RESF1: variants seen among roughly 807,000 people sequenced by gnomAD.
RESF1 encodes retroelement silencing factor 1.
RESF1 carries 65 observed loss-of-function variants against 134.7 expected under a neutral mutation model. That is an observed-to-expected ratio of 0.48 (90% confidence interval 0.40 to 0.59). The LOEUF (loss-of-function observed/expected upper bound fraction) is 0.59, where lower values mean the gene tolerates loss of function less well. RESF1 is among the 20% of genes least tolerant of loss of function. RESF1 has a pLI of 0.00. For missense variants in RESF1, 2,274 were observed against 2,002.7 expected (o/e 1.14, Z -2.59); for synonymous variants, 762 against 702.2 (o/e 1.09, Z -1.35).
At chr12:31,961,796 A>C (rs1355485667) in intron 2 of RESF1, among the ~76,000 whole-genome samples, 1 of 152,210 alleles carries the variant, frequency 6.6e-6, no homozygotes, top group Non-Finnish European at 1.5e-5. Flanking sequence ...AGGCAGGACA[A>C]ACTTGCCCCA....
chr12:31,962,708 G>T (rs1195316948), intron 2 of RESF1, among the ~76,000 whole-genome samples: 1 of 152,212 alleles, frequency 6.6e-6, no homozygotes, highest in East Asian at 1.9e-4. Flanking sequence ...AAAAGAAATT[G>T]TATTGTCCAG....
In RESF1 at chr12:31,985,904, A is replaced by G. The variant is rs1939962429; in HGVS notation, c.4949A>G (p.Glu1650Gly). Residue 1650 changes from glutamate to glycine, a missense_variant, in exon 4 of 6, where the codon GAA becomes GGA. Physicochemically the swap from Glu to Gly is moderately conservative, Grantham distance 98. Transcript: ENST00000312561. Reference sequence around the variant, plus strand: ...TTACTAAAGAATACAAACTCTGTGGAAGAACGGAAGGATGTAAAGCCTCAT... The same window carrying G: ...TTACTAAAGAATACAAACTCTGTGGGAGAACGGAAGGATGTAAAGCCTCAT... ...DILLKNTNSVEERKDVKPHPR... is the reference protein window; with the variant it reads ...DILLKNTNSVGERKDVKPHPR... 1.3e-6 allele frequency: 2 copies of G among 1,517,674 alleles called. No individual in the cohort carries two copies. Among genetic ancestry groups the G allele is most frequent in the Non-Finnish European group, 8.8e-7 (1 of 1,141,036 alleles). 94.0% of individuals were successfully genotyped at this position (1,517,674 alleles called of 1,614,324 possible).
chr12:31,992,315 G>T, intron 5 of RESF1, 63 bp from the exon 6 acceptor site: 4 of 1,376,488 alleles, frequency 2.9e-6, no homozygotes, highest in Non-Finnish European at 2.0e-6. Flanking sequence ...TCTGAATTTT[G>T]ATTATATATT....
rs150359486 is a variant in RESF1, at chr12:31,985,148, A to C, written c.4193A>C (p.Lys1398Thr). The change falls in exon 4 of 6, where the codon AAA becomes ACA. Residue 1398 changes from lysine to threonine, a missense_variant. Coordinates refer to ENST00000312561, the MANE Select transcript of RESF1 (RefSeq NM_018169.4). ...KKKKHDKQEQ[K>T]GSVGATFKLG... The stretch of plus-strand genomic sequence containing the variant: ...AAGAAACATGATAAACAAGAACAGA[A>C]AGGAAGTGTGGGAGCTACATTCAAA... 459 of 1,552,764 alleles carry C rather than the reference A, an allele frequency of 3.0e-4. 3 individuals are homozygous for C. The African/African-American group carries it at 5.7e-3, about 19-fold the overall frequency.
chr12:31,968,775 G>C (rs1372869069), intron 2 of RESF1, among the ~76,000 whole-genome samples: 2 of 152,290 alleles, frequency 1.3e-5, no homozygotes, highest in Non-Finnish European at 2.9e-5. Context: ...GGGGTGTTCA[G>C]ATAATGTTTG....
chr12:31,985,995 T>C (rs1230039380), intron 4 of RESF1, 38 bp downstream of exon 4: 1 of 1,340,674 alleles, frequency 7.5e-7, no homozygotes, highest in Non-Finnish European at 9.8e-7. Context: ...TACAATATTG[T>C]AAAGAGTCGT....
chr12:31,979,688 C>G (rs75915649), intron 3 of RESF1, among the ~76,000 whole-genome samples: 1,785 of 151,902 alleles, frequency 0.012, 36 homozygotes, highest in African/African-American at 0.041. Flanking sequence ...GCTGGGACTA[C>G]GGGCATGCAC....
chr12:31,965,599 G>A (rs1939382053), intron 2 of RESF1, among the ~76,000 whole-genome samples: 1 of 152,088 alleles, frequency 6.6e-6, no homozygotes. Context: ...CAACTGCATG[G>A]TTTAGAGGAA....
intron 3 of RESF1, among the ~76,000 whole-genome samples, chr12:31,980,237 G>T (rs1156359877): frequency 6.7e-6 from 1 of 149,552 alleles, no homozygotes; most frequent in East Asian, 2.0e-4. Context: ...TCAGCCTCCT[G>T]AGTAGCTGGG....
In RESF1 at chr12:31,983,759, G is replaced by A; in HGVS notation, c.2804G>A (p.Gly935Asp). 1 of 1,613,664 alleles carries A rather than the reference G, an allele frequency of 6.2e-7. No individual in the cohort carries two copies. Among genetic ancestry groups the A allele is most frequent in the Non-Finnish European group, 8.5e-7 (1 of 1,180,010 alleles). The stretch of plus-strand genomic sequence containing the variant: ...TCTCTACCCAATCAGCAAGGGATTG[G>A]CAGCAGAGAACCAGAAAAACAATTA... ...KPSLPNQQGI[G>D]SREPEKQLDN... Residue 935 changes from glycine (G) to aspartate (D), a missense_variant, in exon 4 of 6, where the codon GGC becomes GAC. Gly to Asp is a moderately conservative substitution (Grantham distance 94). Transcript: ENST00000312561.
rs746505991 is a variant in RESF1, at chr12:31,981,968, C to A, written c.1013C>A (p.Thr338Asn). 14 of 1,614,042 alleles carry A rather than the reference C, an allele frequency of 8.7e-6. No homozygotes were observed. The Admixed American group carries it at 2.2e-4, about 25-fold the overall frequency. Residue 338 changes from threonine to asparagine, a missense_variant, in exon 4 of 6, where the codon ACT becomes AAT. Transcript: ENST00000312561. ...AATGTCAGCACAATTGGAAATTTCA[C>A]TAACTTGAAAGTAAATACCAACAGC... is the stretch of plus-strand genomic sequence containing the variant. ...NENVSTIGNF[T>N]NLKVNTNSKQ...
rs535411294 is a variant in RESF1 at position 31,961,424 on chromosome 12, C to G, written c.-247+553C>G. On this transcript the variant is annotated intron_variant, in intron 2 of 5. Coordinates refer to ENST00000312561, the MANE Select transcript of RESF1 (RefSeq NM_018169.4). ...AATAAACCTCTGCCTGTTCTCTCAT[C>G]TATAAAATGGGGACAAGCACTAATG... Among the ~76,000 whole-genome samples, 4 of 152,300 alleles carry G rather than the reference C, an allele frequency of 2.6e-5. No individual in the cohort carries two copies. In the East Asian group the frequency reaches 7.7e-4, roughly 29 times the overall value.
chr12:31,959,993 T>C (rs1851049866), intron 1 of RESF1: 1 of 151,830 alleles, frequency 6.6e-6, no homozygotes, highest in African/African-American at 2.4e-5. Flanking sequence ...TCCCGAGGGT[T>C]CTCCTCCTCC....
intron 3 of RESF1, among the ~76,000 whole-genome samples, chr12:31,974,298 A>G (rs997508743): frequency 7.2e-5 from 11 of 151,958 alleles, no homozygotes; most frequent in Admixed American, 2.0e-4. Flanking sequence ...GTATACCCCA[A>G]TCTACAAGAG....
chr12:31,969,301 T>TC (rs1939459966), intron 2 of RESF1, among the ~76,000 whole-genome samples: 1 of 152,032 alleles, frequency 6.6e-6, no homozygotes, highest in Admixed American at 6.6e-5. Flanking sequence ...CCTCAGGAGT[T>TC]CAAGACCAGC....
rs568355147 is a variant in RESF1 at position 31,980,406 on chromosome 12, C to T, written c.-78-472C>T. Among the ~76,000 whole-genome samples the T allele has an allele frequency of 6.6e-5, 10 of 152,228 alleles. No homozygotes were observed. In the South Asian group the frequency reaches 1.0e-3, roughly 16 times the overall value. ...GATTACAGGCATGAGCCACCGCACC[C>T]GGCCTTATGCCAGAAATTTACTGAG... On this transcript the variant is annotated intron_variant, in intron 3 of 5. Transcript: ENST00000312561.
At chr12:31,978,536 G>T (rs55802225) in intron 3 of RESF1, among the ~76,000 whole-genome samples, 22,641 of 150,146 alleles carry the variant, frequency 0.15, 1,889 homozygotes, top group African/African-American at 0.23. Context: ...GGTATTTGGG[G>T]TTTTTTTTTG....
chr12:31,984,192 A>G lies in RESF1; in HGVS notation c.3237A>G (p.Gln1079=), dbSNP rs751115305. The change falls in exon 4 of 6, where the codon CAA becomes CAG. Residue 1079 remains glutamine (Q), a synonymous_variant. Transcript: ENST00000312561. ...CACGTGAAGGTTCTGTGGGCCAGCA[A>G]ACTACATACCAGACCTCAGAAGATC... ...VNTREGSVGQ[Q]TTYQTSEDQT... 7 of 1,613,560 alleles carry G rather than the reference A, an allele frequency of 4.3e-6. No homozygotes were observed. Among genetic ancestry groups the G allele is most frequent in the African/African-American group, 1.3e-5 (1 of 75,012 alleles).
intron 2 of RESF1, among the ~76,000 whole-genome samples, chr12:31,969,655 T>C (rs984607248): frequency 1.3e-5 from 2 of 152,238 alleles, no homozygotes; most frequent in African/African-American, 4.8e-5. Context: ...TCTTTTGTTT[T>C]TGAGACGGAG....
Sources: allele counts gnomAD v4.1 joint callset (sites outside exome capture counted in the v4.1 genomes callset), GRCh38; gene constraint gnomAD v4.1.1; transcripts MANE v1.5; gene names NCBI Gene and HGNC (gene_info 2026-07-23, HGNC 2026-07-21).